RAB40C: variants seen among roughly 807,000 people sequenced by gnomAD.
RAB40C encodes the protein ras-related protein Rab-40C.
A neutral mutation model predicts 28.1 loss-of-function variants in RAB40C; 8 were observed. That is an observed-to-expected ratio of 0.28 (90% CI 0.17 to 0.51). The LOEUF (loss-of-function observed/expected upper bound fraction) is 0.51, where lower values mean the gene tolerates loss of function less well. Ranked by LOEUF, RAB40C falls within the 20% of genes least tolerant of loss-of-function variation. RAB40C has a pLI of 0.97. For missense variants in RAB40C, 288 were observed against 405.9 expected, an observed-to-expected ratio of 0.71 and a Z score of 2.50; for synonymous variants, 201 against 171.7, an observed-to-expected ratio of 1.17 and a Z score of -1.34.
chr16:614,648 G>A (rs1300800166), intron 1 of RAB40C, among the ~76,000 whole-genome samples: 2 of 149,588 alleles, frequency 1.3e-5, no homozygotes, highest in East Asian at 2.0e-4. Context: ...GCCGTATCCC[G>A]ATGGTGAACT....
intron 1 of RAB40C, among the ~76,000 whole-genome samples, chr16:590,670 T>A (rs2035973517): frequency 6.6e-6 from 1 of 152,108 alleles, no homozygotes; most frequent in Admixed American, 6.5e-5. Flanking sequence ...GACGGTGCCA[T>A]GGACCCGGGG....
chr16:616,978 C>T, intron 1 of RAB40C: 1 of 552,394 alleles, frequency 1.8e-6, no homozygotes. Context: ...GACCACGCTC[C>T]TGCCCTGCCC....
In RAB40C at chr16:610,751, C is replaced by T. The variant is rs1371220655; in HGVS notation, c.143-6457C>T. Among the ~76,000 whole-genome samples, 1 of 151,624 alleles carries T rather than the reference C, an allele frequency of 6.6e-6. No individual in the cohort carries two copies. The highest frequency in any genetic ancestry group is 1.5e-5 in the Non-Finnish European group (1 of 67,918). ...CCTCCCTCTACCCCGCCCTGCCCCA[C>T]CCCGTCACCTGCTTGCCCTGACCCT... On this transcript the variant is annotated intron_variant, in intron 1 of 5. Transcript: ENST00000248139. The surrounding 1 kb of genome is among the most constrained non-coding windows in gnomAD (Gnocchi z 4.6).
In RAB40C at chr16:617,192, C is replaced by T. The variant is rs1287972987; in HGVS notation, c.143-16C>T. The T allele has an allele frequency of 3.7e-6, 6 of 1,613,318 alleles. No homozygotes were observed. Among genetic ancestry groups the T allele is most frequent in the Admixed American group, 1.7e-5 (1 of 60,026 alleles). On this transcript the variant is annotated splice_polypyrimidine_tract_variant and intron_variant, in intron 1 of 5. Transcript: ENST00000248139. ...AGGAGTGGCGCGTCCCCTCAGCGCCCTGTGCTTCCTCGCAGGGATCGACTA... is the reference window on the plus strand; with the variant it reads ...AGGAGTGGCGCGTCCCCTCAGCGCCTTGTGCTTCCTCGCAGGGATCGACTA...
chr16:604,297 G>T (rs562028101), intron 1 of RAB40C, among the ~76,000 whole-genome samples: 1 of 152,238 alleles, frequency 6.6e-6, no homozygotes, highest in East Asian at 1.9e-4. Flanking sequence ...TTAGCCATAT[G>T]TAGGGATACA....
In RAB40C at chr16:626,097, GAGA is replaced by G. The variant is rs2036825203; in HGVS notation, c.545_547del (p.Lys182del). The G allele has an allele frequency of 1.9e-6, 3 of 1,612,996 alleles. No homozygotes were observed. Among genetic ancestry groups the G allele is most frequent in the Non-Finnish European group, 1.7e-6 (2 of 1,179,956 alleles). Reference sequence around the variant, plus strand: ...CATCGTGCTCATGCGGCACGGCATGGAGAAGATCTGGAGGCCCAACCGAGGTGG... The same window carrying G: ...CATCGTGCTCATGCGGCACGGCATGGAGATCTGGAGGCCCAACCGAGGTGG... On this transcript the variant is annotated inframe_deletion, in exon 5 of 6. Coordinates refer to ENST00000248139, the MANE Select transcript of RAB40C (RefSeq NM_021168.5).
At chr16:600,865 A>C (rs1216594586) in intron 1 of RAB40C, among the ~76,000 whole-genome samples, 1 of 152,232 alleles carries the variant, frequency 6.6e-6, no homozygotes, top group Non-Finnish European at 1.5e-5. Context: ...GGAAACAGAA[A>C]GGTTTTGACT....
chr16:608,041 C>T (rs2036400813), intron 1 of RAB40C, among the ~76,000 whole-genome samples: 1 of 152,130 alleles, frequency 6.6e-6, no homozygotes, highest in South Asian at 2.1e-4. Flanking sequence ...GCCTCCACGC[C>T]CATGTACTCA....
intron 5 of RAB40C, among the ~76,000 whole-genome samples, chr16:626,980 C>G (rs949887078): frequency 6.6e-6 from 1 of 152,126 alleles, no homozygotes; most frequent in African/African-American, 2.4e-5. Context: ...GGGAATGAGT[C>G]AGGACGCGCG....
intron 1 of RAB40C, among the ~76,000 whole-genome samples, chr16:613,534 C>A (rs925068143): frequency 1.3e-5 from 2 of 152,226 alleles, no homozygotes; most frequent in Non-Finnish European, 2.9e-5. Context: ...CCCTTTTCTG[C>A]GAGGCTGGAT....
chr16:600,703 G>A (rs1330797564), intron 1 of RAB40C, among the ~76,000 whole-genome samples: 1 of 152,196 alleles, frequency 6.6e-6, no homozygotes, highest in Non-Finnish European at 1.5e-5. Flanking sequence ...AGTGAGCCGA[G>A]TTTGCACCAC....
rs552072732 is a variant in RAB40C, at chr16:600,784, G to A, written c.142+10351G>A. Among the ~76,000 whole-genome samples, 4 of 152,332 alleles carry A rather than the reference G, an allele frequency of 2.6e-5. No individual in the cohort carries two copies. The South Asian group carries it at 6.2e-4, about 24-fold the overall frequency. ...TAAAAATAAGAGCTTTGGTGCCTAC[G>A]TGCGTCACACAGACAGTTTAACACA... On this transcript the variant is annotated intron_variant, in intron 1 of 5. Transcript: ENST00000248139.
chr16:618,238 G>C lies in RAB40C; in HGVS notation c.242G>C (p.Arg81Thr). 2 of 1,613,598 alleles carry C rather than the reference G, an allele frequency of 1.2e-6. No homozygotes were observed. The highest frequency in any genetic ancestry group is 1.7e-6 in the Non-Finnish European group (2 of 1,179,870). The change falls in exon 3 of 6, where the codon AGG becomes ACG. Residue 81 changes from arginine to threonine, a missense_variant. Physicochemically the swap from Arg to Thr is moderately conservative, Grantham distance 71. Coordinates refer to ENST00000248139, the MANE Select transcript of RAB40C (RefSeq NM_021168.5). ...CAGGGCCGGTTCTGCACCATCTTCAGGTCCTACTCCAGGGGCGCTCAGGTA... is the reference window on the plus strand; with the variant it reads ...CAGGGCCGGTTCTGCACCATCTTCACGTCCTACTCCAGGGGCGCTCAGGTA... ...SGQGRFCTIF[R>T]SYSRGAQGIL...
chr16:625,464 C>T lies in RAB40C; in HGVS notation c.297C>T (p.Arg99=), dbSNP rs1057041883. ...GILLVYDITN[R]WSFDGIDRWI... ...TCTTGGTGTATGACATCACCAACCGCTGGTCCTTTGACGGCATCGACCGCT... is the reference window on the plus strand; with the variant it reads ...TCTTGGTGTATGACATCACCAACCGTTGGTCCTTTGACGGCATCGACCGCT... The change falls in exon 4 of 6, where the codon CGC becomes CGT. Residue 99 remains arginine, a synonymous_variant. Coordinates refer to ENST00000248139, the MANE Select transcript of RAB40C (RefSeq NM_021168.5). 7.4e-6 allele frequency: 12 copies of T among 1,613,506 alleles called. No individual in the cohort carries two copies. The South Asian group carries it at 1.2e-4, about 16-fold the overall frequency.
Position 590,531 on chromosome 16 carries a change from G to C in RAB40C, c.142+98G>C. 3 of 1,348,984 alleles carry C rather than the reference G, an allele frequency of 2.2e-6. No individual in the cohort carries two copies. The South Asian group carries it at 5.0e-5, about 23-fold the overall frequency. 83.6% of individuals were successfully genotyped at this position (1,348,984 alleles called of 1,614,324 possible). A position where few individuals can be genotyped will look rare whatever the true frequency, so the allele number is the denominator to read the frequency against. On this transcript the variant is annotated intron_variant, in intron 1 of 5. Coordinates refer to ENST00000248139, the MANE Select transcript of RAB40C (RefSeq NM_021168.5). The stretch of plus-strand genomic sequence containing the variant: ...CGGCCCGGCCCTTCCAAGCGCCGCC[G>C]AACGTTCCCAGGAACGCCTTTGCCT...
intron 1 of RAB40C, among the ~76,000 whole-genome samples, chr16:598,561 C>CAA (rs938034632): frequency 2.2e-4 from 12 of 54,808 alleles, no homozygotes; most frequent in Non-Finnish European, 3.9e-4. Flanking sequence ...CTCTGTCTCA[C>CAA]AAAAAAAAAA....
intron 1 of RAB40C, among the ~76,000 whole-genome samples, chr16:598,772 A>G (rs1266357145): frequency 6.6e-6 from 1 of 152,110 alleles, no homozygotes; most frequent in Non-Finnish European, 1.5e-5. Context: ...AGAGGATGGA[A>G]GAAGAGAAGA....
chr16:607,927 C>T (rs1055413553), intron 1 of RAB40C, among the ~76,000 whole-genome samples: 8 of 152,138 alleles, frequency 5.3e-5, no homozygotes, highest in Non-Finnish European at 8.8e-5. Context: ...CTCCACTGCC[C>T]GTTTTCAGAT....
chr16:593,924 C>T (rs2036055996), intron 1 of RAB40C, among the ~76,000 whole-genome samples: 1 of 152,190 alleles, frequency 6.6e-6, no homozygotes, highest in African/African-American at 2.4e-5. Context: ...AATTATGCTT[C>T]ATCCAGGAGT....
Sources: gnomAD v4.1 joint callset for allele counts (sites outside exome capture counted in the v4.1 genomes callset) on GRCh38, gnomAD v4.1.1 for gene constraint, Gnocchi (gnomAD v3.1) non-coding constraint, MANE v1.5 for transcripts, NCBI Gene and HGNC (gene_info 2026-07-23, HGNC 2026-07-21) for gene names.